Variants in UBE2F observed in about 807,000 individuals in gnomAD.
UBE2F encodes the protein ubiquitin conjugating enzyme E2 F (putative), also known as NEDD8-conjugating enzyme UBE2F.
In UBE2F, 5 loss-of-function variants were observed where a neutral mutation model predicts 29.6. The observed-to-expected ratio is 0.17, with a 90% confidence interval of 0.09 to 0.36. UBE2F has a LOEUF of 0.36. UBE2F is among the 10% of genes least tolerant of loss of function. The pLI is 1.00. For synonymous variants in UBE2F, 66 were observed against 81.8 expected (o/e 0.81, Z 1.04); for missense variants, 141 against 228.5 (o/e 0.62, Z 2.47).
intron 4 of UBE2F, among the ~76,000 whole-genome samples, chr2:238,009,413 G>T (rs1285558376): frequency 6.6e-6 from 1 of 152,132 alleles, no homozygotes; most frequent in African/African-American, 2.4e-5. Context: ...TTGGGTCGCA[G>T]GTCTTCGTTC....
intron 1 of UBE2F, among the ~76,000 whole-genome samples, chr2:237,972,685 A>C (rs1158516023): frequency 6.6e-6 from 1 of 150,914 alleles, no homozygotes; most frequent in Non-Finnish European, 1.5e-5. Context: ...CGAGTAGCTG[A>C]GACTACAGGC....
intron 3 of UBE2F, among the ~76,000 whole-genome samples, chr2:237,991,601 C>CTTTTTT (rs796466552): frequency 6.5e-5 from 2 of 30,874 alleles, no homozygotes; most frequent in African/African-American, 2.0e-4. Context: ...CTTTTCTTTT[C>CTTTTTT]TTTCTTTCTT....
rs1012703140 is a variant in UBE2F at position 238,030,575 on chromosome 2, A to G, written c.373A>G (p.Ile125Val). 21 of 1,613,546 alleles carry G rather than the reference A, an allele frequency of 1.3e-5. No individual in the cohort carries two copies. The highest frequency in any genetic ancestry group is 3.3e-4 in the Middle Eastern group (2 of 6,084). Residue 125 changes from isoleucine to valine, a missense_variant, in exon 7 of 10, where the codon ATT becomes GTT. By Grantham distance (29) the Ile-to-Val change is conservative (BLOSUM62 3). Transcript: ENST00000272930. ...ICLSLLREHS[I>V]DGTGWAPTRT... ...TTTCAGTTTATTGAGAGAACATTCA[A>G]TTGATGGCACTGGCTGGGCTCCCAC...
chr2:237,994,440 C>A (rs1374710171), intron 3 of UBE2F, among the ~76,000 whole-genome samples: 3 of 152,148 alleles, frequency 2.0e-5, no homozygotes, highest in African/African-American at 7.2e-5. Context: ...TGTCAAAGTA[C>A]AGTAGCATAA....
chr2:237,988,966 A>G (rs2063533331), intron 3 of UBE2F, among the ~76,000 whole-genome samples: 1 of 152,210 alleles, frequency 6.6e-6, no homozygotes, highest in African/African-American at 2.4e-5. Context: ...AAAGCTATCT[A>G]TCAGGCAGTT....
chr2:237,999,084 A>AT lies in UBE2F; in HGVS notation c.214+4278dup, dbSNP rs1169669078. ...GAGGAGGAATTTCTTTTATTTATTTATTTATTTTTTTTTTTTGAGACAGAG... is the reference window on the plus strand; with the variant it reads ...GAGGAGGAATTTCTTTTATTTATTTATTTTATTTTTTTTTTTTGAGACAGAG... On this transcript the variant is annotated intron_variant, in intron 4 of 9. Transcript: ENST00000272930. Among the ~76,000 whole-genome samples the AT allele has an allele frequency of 6.4e-4, 96 of 150,600 alleles. 3 individuals are homozygous for AT. The highest frequency in any genetic ancestry group is 3.4e-3 in the Middle Eastern group (1 of 292).
chr2:237,974,093 C>A (rs6754093), intron 2 of UBE2F, among the ~76,000 whole-genome samples: 131,182 of 151,828 alleles, frequency 0.86, 56,860 homozygotes, highest in East Asian at 0.97. Context: ...TCCTGGGTTC[C>A]AGCAATTCTC....
At position 238,040,550 on chromosome 2, in the gene UBE2F, A is replaced by C. The variant is rs1219856783; in HGVS notation, c.508-738A>C. On this transcript the variant is annotated intron_variant, in intron 9 of 9. Transcript: ENST00000272930. The surrounding 1 kb of genome is among the most constrained non-coding windows in gnomAD (Gnocchi z 4.4). ...CCAGCAGCTGTGTTGTAGGAGTGAG[A>C]GGGTTAAGAGCTCCAAGTCATTCTT... 6.6e-6 allele frequency among the ~76,000 whole-genome samples: 1 copy of C among 152,024 alleles called. No individual in the cohort carries two copies. The highest frequency in any genetic ancestry group is 2.4e-5 in the African/African-American group (1 of 41,382).
intron 4 of UBE2F, among the ~76,000 whole-genome samples, chr2:238,004,472 G>A (rs1030312252): frequency 6.6e-6 from 1 of 151,816 alleles, no homozygotes; most frequent in African/African-American, 2.4e-5. Context: ...TATCAGATGT[G>A]TTTTATAAAT....
At chr2:238,007,289 T>G (rs191473369) in intron 4 of UBE2F, among the ~76,000 whole-genome samples, 1 of 151,802 alleles carries the variant, frequency 6.6e-6, no homozygotes, top group East Asian at 2.0e-4. Flanking sequence ...GCCCAGCTAA[T>G]TTTTATATTT....
intron 9 of UBE2F, among the ~76,000 whole-genome samples, chr2:238,036,748 C>G (rs1033417853): frequency 1.3e-5 from 2 of 152,118 alleles, no homozygotes; most frequent in African/African-American, 2.4e-5. Context: ...ATTGCTTGTG[C>G]CCGGGAAGTT....
intron 4 of UBE2F, among the ~76,000 whole-genome samples, chr2:237,999,820 C>CTTTTTTTT (rs3054481): frequency 8.3e-6 from 1 of 119,886 alleles, no homozygotes; most frequent in Non-Finnish European, 1.8e-5. Flanking sequence ...TGATGTTGTT[C>CTTTTTTTT]TTTTTTTTTT....
At chr2:237,985,496 G>A (rs1238763405) in intron 2 of UBE2F, among the ~76,000 whole-genome samples, 1 of 152,180 alleles carries the variant, frequency 6.6e-6, no homozygotes, top group Non-Finnish European at 1.5e-5. Context: ...GTAGCATAAT[G>A]TCTAGATTTA....
chr2:238,016,411 G>T (rs574913408), intron 4 of UBE2F, 155 bp from the exon 5 acceptor site: 2 of 614,600 alleles, frequency 3.3e-6, no homozygotes, highest in East Asian at 5.6e-5. Context: ...CCACCAGTGT[G>T]TGTGCATTTG....
At chr2:238,037,971 G>A (rs1223402750) in intron 9 of UBE2F, among the ~76,000 whole-genome samples, 1 of 152,192 alleles carries the variant, frequency 6.6e-6, no homozygotes, top group Non-Finnish European at 1.5e-5. Flanking sequence ...CTTGGCTTCT[G>A]TTAATGTTAG....
chr2:237,998,144 A>G (rs1037377054), intron 4 of UBE2F, among the ~76,000 whole-genome samples: 4 of 152,180 alleles, frequency 2.6e-5, no homozygotes, highest in Non-Finnish European at 4.4e-5. Context: ...AAAATTTTAT[A>G]ATCAGTTTTA....
rs1334953804 is a variant in UBE2F at position 237,999,096 on chromosome 2, T to TTA, written c.214+4288_214+4289insAT. 2.4e-3 allele frequency among the ~76,000 whole-genome samples: 367 copies of TTA among 151,570 alleles called. 6 individuals carry two copies. The highest frequency in any genetic ancestry group is 6.2e-3 in the African/African-American group (256 of 41,236). On this transcript the variant is annotated intron_variant, in intron 4 of 9. Coordinates refer to ENST00000272930, the MANE Select transcript of UBE2F (RefSeq NM_080678.3). ...CTTTTATTTATTTATTTATTTTTTTTTTTTGAGACAGAGTCTCGCTCTGTC... is the reference window on the plus strand; with the variant it reads ...CTTTTATTTATTTATTTATTTTTTTTTATTTTGAGACAGAGTCTCGCTCTGTC...
chr2:237,969,940 C>T (rs927775420), intron 1 of UBE2F, among the ~76,000 whole-genome samples: 1 of 152,170 alleles, frequency 6.6e-6, no homozygotes, highest in African/African-American at 2.4e-5. Context: ...AGTAGCGTAA[C>T]AATGAAGAAA....
chr2:238,041,452 C>T lies in UBE2F; in HGVS notation c.*114C>T, dbSNP rs1406856932. 4 of 1,047,808 alleles carry T rather than the reference C, an allele frequency of 3.8e-6. No homozygotes were observed. The highest frequency in any genetic ancestry group is 1.9e-5 in the Admixed American group (1 of 51,630). 64.9% of individuals were successfully genotyped at this position (1,047,808 alleles called of 1,614,324 possible). A position where few individuals can be genotyped will look rare whatever the true frequency, so the allele number is the denominator to read the frequency against. ...TGCTCCCTCTCAGTCCCCTGGATTG[C>T]CCCAGTCCTGTGACCATGTTGCCCT... On this transcript the variant is annotated 3_prime_UTR_variant, in exon 10 of 10. Coordinates refer to ENST00000272930, the MANE Select transcript of UBE2F (RefSeq NM_080678.3).
Sources: gnomAD v4.1 joint callset for allele counts (sites outside exome capture counted in the v4.1 genomes callset) on GRCh38, gnomAD v4.1.1 for gene constraint, Gnocchi (gnomAD v3.1) non-coding constraint, MANE v1.5 for transcripts, NCBI Gene and HGNC (gene_info 2026-07-23, HGNC 2026-07-21) for gene names.